Variants in MKNK1 observed in about 807,000 individuals in gnomAD.
MKNK1 encodes MAPK interacting serine/threonine kinase 1.
A neutral mutation model predicts 49.3 loss-of-function variants in MKNK1; 30 were observed. The observed-to-expected ratio is 0.61, with a 90% confidence interval of 0.46 to 0.83. The LOEUF (loss-of-function observed/expected upper bound fraction) is 0.83. Among genes scored for constraint, MKNK1 ranks in the 40% least tolerant of loss-of-function variants. The pLI is 0.00. For synonymous variants in MKNK1, 176 were observed against 201.7 expected (o/e 0.87, Z 1.08); for missense variants, 423 against 524.7 (o/e 0.81, Z 1.89).
intron 10 of MKNK1, 64 bp from the exon 11 acceptor site, chr1:46,561,706 G>A (rs1030019027): frequency 8.9e-6 from 14 of 1,567,828 alleles, no homozygotes; most frequent in Admixed American, 1.8e-5. Flanking sequence ...GCCTGTCATT[G>A]TTTTGATCAA....
chr1:46,590,619 T>A (rs531204732), intron 2 of MKNK1, among the ~76,000 whole-genome samples: 1 of 152,374 alleles, frequency 6.6e-6, no homozygotes, highest in South Asian at 2.1e-4. Context: ...TTTTAACCAT[T>A]ACACTGTATT....
chr1:46,565,270 C>T, intron 8 of MKNK1, 134 bp from the exon 9 acceptor site: 1 of 760,062 alleles, frequency 1.3e-6, no homozygotes, highest in Non-Finnish European at 2.3e-6. Flanking sequence ...TGTTTGCTCT[C>T]CGGAGGTTAA....
At position 46,558,612 on chromosome 1, in the gene MKNK1, C is replaced by G; in HGVS notation, c.1202G>C (p.Gly401Ala). The G allele has an allele frequency of 6.2e-7, 1 of 1,613,530 alleles. No individual in the cohort carries two copies. The highest frequency in any genetic ancestry group is 1.3e-5 in the African/African-American group (1 of 75,062). The change falls in exon 13 of 13, where the codon GGC becomes GCC. Residue 401 changes from glycine (G) to alanine (A), a missense_variant. Physicochemically the swap from Gly to Ala is moderately conservative, Grantham distance 60. Transcript: ENST00000371945. ...LARRRALAQA[G>A]RGEDRSPPTA... ...GGGCGGGCTCCTGTCTTCACCACGG[C>G]CTGCCTGGGCCAGGGCCCGTCTCCG...
rs775553250 is a variant in MKNK1, at chr1:46,562,708, C to T, written c.745G>A (p.Val249Met). ...CCACAGTCGGCCCCGCAGTGACCCA[C>T]GAAGGGTGGGTAGCCACTCAGCATG... is the stretch of plus-strand genomic sequence containing the variant. ...YIMLSGYPPF[V>M]GHCGADCGWD... The change falls in exon 10 of 13, where the codon GTG (valine) becomes ATG (methionine). Residue 249 changes from valine to methionine, a missense_variant. By Grantham distance (21) the Val-to-Met change is conservative. Transcript: ENST00000371945. 10 of 1,582,478 alleles carry T rather than the reference C, an allele frequency of 6.3e-6. No individual in the cohort carries two copies. Among genetic ancestry groups the T allele is most frequent in the South Asian group, 3.4e-5 (3 of 87,220 alleles).
intron 7 of MKNK1, chr1:46,571,654 A>ATAT (rs1670166944): frequency 2.9e-6 from 1 of 345,292 alleles, no homozygotes; most frequent in African/African-American, 2.2e-5. Flanking sequence ...GAGGTGATGT[A>ATAT]TATTTTAAGA....
In MKNK1 at chr1:46,576,574, C is replaced by G. The variant is rs773009733; in HGVS notation, c.278+1G>C. 6.2e-7 allele frequency: 1 copy of G among 1,613,150 alleles called. No individual in the cohort carries two copies. Among genetic ancestry groups the G allele is most frequent in the Non-Finnish European group, 8.5e-7 (1 of 1,179,252 alleles). ...AGCAGCGAGAATCACATGATACTCA[C>G]TTGTTTCCCTGACACTGATACAGCG... On this transcript the variant is annotated splice_donor_variant, in intron 5 of 12. Transcript: ENST00000371945. LOFTEE classifies it high-confidence loss of function.
chr1:46,596,013 G>A (rs533860849), intron 1 of MKNK1, among the ~76,000 whole-genome samples: 20 of 152,360 alleles, frequency 1.3e-4, no homozygotes, highest in Admixed American at 1.0e-3. Context: ...CTCCCAAAGT[G>A]CTGGGATTAT....
chr1:46,563,307 CA>C (rs1240208843), intron 9 of MKNK1, among the ~76,000 whole-genome samples: 1 of 152,152 alleles, frequency 6.6e-6, no homozygotes, highest in African/African-American at 2.4e-5. Flanking sequence ...GTCAAAGCTA[CA>C]AAGCTCTTAG....
At chr1:46,560,398 A>G in intron 11 of MKNK1, 121 bp from the exon 12 acceptor site, 1 of 1,069,924 alleles carries the variant, frequency 9.3e-7, no homozygotes, top group Non-Finnish European at 1.4e-6. Flanking sequence ...GGAAATGGCT[A>G]TGCTTGCTTG....
chr1:46,581,654 T>C (rs1671767045), intron 3 of MKNK1, among the ~76,000 whole-genome samples: 1 of 151,986 alleles, frequency 6.6e-6, no homozygotes, highest in Non-Finnish European at 1.5e-5. Context: ...GCACTGGCTA[T>C]ACAAAGGAGA....
At chr1:46,562,170 A>AG (rs1373971683) in intron 10 of MKNK1, among the ~76,000 whole-genome samples, 1 of 151,850 alleles carries the variant, frequency 6.6e-6, no homozygotes, top group Non-Finnish European at 1.5e-5. Flanking sequence ...CCGAGGCGGG[A>AG]GGATCACAAG....
At chr1:46,573,106 A>G (rs2148648862) in intron 6 of MKNK1, among the ~76,000 whole-genome samples, 1 of 152,336 alleles carries the variant, frequency 6.6e-6, no homozygotes, top group South Asian at 2.1e-4. Context: ...CTCGTTTTAC[A>G]GAGGGAGATC....
intron 12 of MKNK1, 148 bp from the exon 13 acceptor site, chr1:46,558,948 C>T: frequency 4.5e-6 from 3 of 667,210 alleles, no homozygotes; most frequent in Non-Finnish European, 7.6e-6. Context: ...CAAAGTAGTT[C>T]TTGCCTAGGT....
intron 2 of MKNK1, chr1:46,584,760 C>A (rs1049719391): frequency 6.6e-6 from 1 of 152,296 alleles, no homozygotes; most frequent in Admixed American, 6.5e-5. Flanking sequence ...AGCCAAGTGC[C>A]TGACAGCTCA....
At chr1:46,583,038 T>C in intron 3 of MKNK1, 190 bp downstream of exon 3, 1 of 683,072 alleles carries the variant, frequency 1.5e-6, no homozygotes, top group South Asian at 1.5e-5. Flanking sequence ...TGAGAGCTTT[T>C]TCCATCCCTG....
At chr1:46,565,811 T>C (rs1450933015) in intron 8 of MKNK1, among the ~76,000 whole-genome samples, 1 of 152,178 alleles carries the variant, frequency 6.6e-6, no homozygotes, top group African/African-American at 2.4e-5. Flanking sequence ...CTACATGGCA[T>C]GTAAGCAGCA....
chr1:46,598,768 C>G (rs1189469567), intron 1 of MKNK1, among the ~76,000 whole-genome samples: 2 of 152,190 alleles, frequency 1.3e-5, no homozygotes, highest in East Asian at 3.8e-4. Context: ...GATAGCCTGA[C>G]TCTAGAGTCC....
chr1:46,580,576 A>T lies in MKNK1; in HGVS notation c.152T>A (p.Val51Asp). ...ELLGEGAYAK[V>D]QGAVSLQNGK... is the part of the protein sequence containing the mutation. ...ATTCTGTAGGCTCACGGCACCTTGA[A>T]CTTTGGCATAGGCTCCCTCTCCAAG... is the stretch of plus-strand genomic sequence containing the variant. The change falls in exon 4 of 13, where the codon GTT (valine) becomes GAT (aspartate). Residue 51 changes from valine (V) to aspartate (D), a missense_variant. Physicochemically the swap from Val to Asp is radical, Grantham distance 152. Coordinates refer to ENST00000371945, the MANE Select transcript of MKNK1 (RefSeq NM_001135553.4). The T allele has an allele frequency of 1.9e-6, 3 of 1,614,146 alleles. No individual in the cohort carries two copies. Among genetic ancestry groups the T allele is most frequent in the African/African-American group, 1.3e-5 (1 of 75,050 alleles).
intron 3 of MKNK1, among the ~76,000 whole-genome samples, chr1:46,581,239 A>G (rs890536079): frequency 2.0e-5 from 3 of 151,878 alleles, no homozygotes; most frequent in Admixed American, 1.3e-4. Context: ...GAGGCTGGGC[A>G]TGGTGGCTCA....
Sources: allele counts gnomAD v4.1 joint callset (sites outside exome capture counted in the v4.1 genomes callset), GRCh38; gene constraint gnomAD v4.1.1; transcripts MANE v1.5; gene names NCBI Gene and HGNC (gene_info 2026-07-23, HGNC 2026-07-21).